Variants in MTSS1 observed in about 807,000 individuals in gnomAD.
MTSS1 encodes protein MTSS 1.
Under a neutral mutation model 79.0 loss-of-function variants are expected in MTSS1, and 18 were observed. The ratio of observed to expected loss-of-function variants is 0.23; its 90% confidence interval spans 0.16 to 0.34. The LOEUF (loss-of-function observed/expected upper bound fraction) is 0.34, where lower values mean the gene tolerates loss of function less well. Among genes scored for constraint, MTSS1 ranks in the 10% least tolerant of loss-of-function variants. MTSS1 has a pLI of 1.00. For synonymous variants in MTSS1, 341 were observed against 368.6 expected, an observed-to-expected ratio of 0.93 and a Z score of 0.86; for missense variants, 815 against 986.2, an observed-to-expected ratio of 0.83 and a Z score of 2.33.
At chr8:124,672,379 A>G (rs1037490144) in intron 3 of MTSS1, among the ~76,000 whole-genome samples, 5 of 152,110 alleles carry the variant, frequency 3.3e-5, no homozygotes, top group African/African-American at 1.2e-4. Flanking sequence ...CTACAATCCC[A>G]GGTACTTGGG....
chr8:124,613,476 T>C (rs929329132), intron 3 of MTSS1, among the ~76,000 whole-genome samples: 2 of 152,246 alleles, frequency 1.3e-5, no homozygotes, highest in African/African-American at 2.4e-5. Context: ...CTCAGCTAAA[T>C]CTGGTTTTGG....
chr8:124,610,658 C>T (rs552332040), intron 3 of MTSS1, among the ~76,000 whole-genome samples: 1 of 152,292 alleles, frequency 6.6e-6, no homozygotes, highest in Non-Finnish European at 1.5e-5. Context: ...GAAACATCTC[C>T]AGGACCAGAG....
In MTSS1 at chr8:124,727,787, G is replaced by A. The variant is rs530316960; in HGVS notation, c.72+97C>T. ...GCAGGTGGCCGGTGGCCACACTGCA[G>A]GGAAGGGCCGGGTGCCCGGCCCGGG... is the stretch of plus-strand genomic sequence containing the variant. On this transcript the variant is annotated intron_variant, in intron 1 of 13. Transcript: ENST00000518547. This position sits in a 1 kb window ranked among gnomAD's most constrained non-coding sequence, Gnocchi z 4.7. 5.4e-6 allele frequency: 6 copies of A among 1,119,558 alleles called. No homozygotes were observed. In the East Asian group the frequency reaches 1.2e-4, roughly 23 times the overall value. 69.4% of individuals were successfully genotyped at this position (1,119,558 alleles called of 1,614,324 possible).
chr8:124,676,611 T>G (rs1825332823), intron 3 of MTSS1, among the ~76,000 whole-genome samples: 1 of 152,248 alleles, frequency 6.6e-6, no homozygotes, highest in African/African-American at 2.4e-5. Flanking sequence ...AACATCAATA[T>G]TGTCACTGCT....
chr8:124,652,620 C>T (rs573782636), intron 3 of MTSS1, among the ~76,000 whole-genome samples: 8 of 151,908 alleles, frequency 5.3e-5, no homozygotes, highest in Non-Finnish European at 1.0e-4. Context: ...CCTGGTGAAA[C>T]CCCGTCTCTA....
intron 3 of MTSS1, among the ~76,000 whole-genome samples, chr8:124,628,549 G>C (rs757424872): frequency 2.0e-5 from 3 of 152,182 alleles, no homozygotes; most frequent in Non-Finnish European, 4.4e-5. Flanking sequence ...GCTCTGGGAA[G>C]GGGCAGAAGA....
intron 3 of MTSS1, among the ~76,000 whole-genome samples, chr8:124,598,413 C>T (rs1277947894): frequency 6.6e-6 from 1 of 152,196 alleles, no homozygotes; most frequent in African/African-American, 2.4e-5. Context: ...GTCATGACAA[C>T]TAGAAATGTC....
At chr8:124,651,317 GCA>G (rs1450243915) in intron 3 of MTSS1, among the ~76,000 whole-genome samples, 1 of 152,208 alleles carries the variant, frequency 6.6e-6, no homozygotes, top group Non-Finnish European at 1.5e-5. Flanking sequence ...GTCACGTGTG[GCA>G]GTTCAAGAAC....
chr8:124,637,843 T>C (rs1357810376), intron 3 of MTSS1, among the ~76,000 whole-genome samples: 2 of 152,240 alleles, frequency 1.3e-5, no homozygotes, highest in Non-Finnish European at 2.9e-5. Flanking sequence ...TGTGCAAACG[T>C]TTACTGAGCC....
chr8:124,665,636 G>C (rs1330575096), intron 3 of MTSS1, among the ~76,000 whole-genome samples: 1 of 152,092 alleles, frequency 6.6e-6, no homozygotes, highest in Non-Finnish European at 1.5e-5. Context: ...GGGAGGCCGA[G>C]GCGGGTGGAT....
intron 3 of MTSS1, among the ~76,000 whole-genome samples, chr8:124,607,260 C>G (rs1425371822): frequency 6.6e-6 from 1 of 152,204 alleles, no homozygotes; most frequent in Non-Finnish European, 1.5e-5. Flanking sequence ...TGCAACTAAG[C>G]CAAGACTCTA....
chr8:124,568,298 T>A, intron 7 of MTSS1, 81 bp downstream of exon 7: 1 of 1,485,134 alleles, frequency 6.7e-7, no homozygotes, highest in Non-Finnish European at 9.1e-7. Flanking sequence ...TCTCCATGAC[T>A]CAACAGTGGA....
intron 6 of MTSS1, chr8:124,580,798 T>C (rs1452639737): frequency 2.2e-6 from 1 of 464,170 alleles, no homozygotes; most frequent in African/African-American, 1.9e-5. Flanking sequence ...CCTTCCCAGT[T>C]AGTAATGACC....
At chr8:124,706,875 C>G (rs779151374) in intron 1 of MTSS1, among the ~76,000 whole-genome samples, 11 of 152,110 alleles carry the variant, frequency 7.2e-5, no homozygotes, top group Non-Finnish European at 1.5e-4. Context: ...TAATCCAGTC[C>G]AGATAAGAAC....
chr8:124,638,925 C>A (rs533960989), intron 3 of MTSS1, among the ~76,000 whole-genome samples: 2 of 152,222 alleles, frequency 1.3e-5, no homozygotes, highest in Non-Finnish European at 2.9e-5. Context: ...ACTAACTGGG[C>A]GGGCCAGTTT....
intron 1 of MTSS1, among the ~76,000 whole-genome samples, chr8:124,710,798 C>T (rs55777510): frequency 0.16 from 24,236 of 152,162 alleles, 2,429 homozygotes; most frequent in Non-Finnish European, 0.22. Context: ...CACCACGCTG[C>T]CACACAAGGA....
At chr8:124,589,088 T>C (rs1278521105) in intron 5 of MTSS1, among the ~76,000 whole-genome samples, 1 of 152,010 alleles carries the variant, frequency 6.6e-6, no homozygotes, top group Admixed American at 6.6e-5. Context: ...TGGAGTACAA[T>C]GGTGCAATCT....
At position 124,555,853 on chromosome 8, in the gene MTSS1, C is replaced by T; in HGVS notation, c.1456G>A (p.Gly486Ser). 1 of 1,612,752 alleles carries T rather than the reference C, an allele frequency of 6.2e-7. No homozygotes were observed. ...CTCCTCTGGGTGTCCAGCTGCAGGC[C>T]CCGAGACAGGGCCAGGGCCAGCTCC... ...CEELALALSR[G>S]LQLDTQRSSR... is the part of the protein sequence containing the mutation. The change falls in exon 13 of 14, where the codon GGC becomes AGC. Residue 486 changes from glycine to serine, a missense_variant. By Grantham distance (56) the Gly-to-Ser change is moderately conservative. This residue lies in a region of MTSS1 where 590 missense variants were observed against 620.8 expected (regional missense o/e 0.95). Transcript: ENST00000518547.
chr8:124,613,148 C>T (rs73704127), intron 3 of MTSS1, among the ~76,000 whole-genome samples: 1 of 152,282 alleles, frequency 6.6e-6, no homozygotes, highest in African/African-American at 2.4e-5. Flanking sequence ...TCAGGGCAAC[C>T]CACCGAACAG....
Sources: allele counts gnomAD v4.1 joint callset (sites outside exome capture counted in the v4.1 genomes callset), GRCh38; gene constraint gnomAD v4.1.1; regional missense constraint gnomAD v4.1.1; non-coding constraint Gnocchi (gnomAD v3.1); transcripts MANE v1.5; gene names NCBI Gene and HGNC (gene_info 2026-07-23, HGNC 2026-07-21).